TPD52: variants seen among roughly 807,000 people sequenced by gnomAD.
The protein encoded by TPD52 is tumor protein D52, also known as prostate and colon associated protein.
TPD52 carries 17 observed loss-of-function variants against 31.3 expected under a neutral mutation model. The ratio of observed to expected loss-of-function variants is 0.54; its 90% CI spans 0.37 to 0.82. TPD52 has a LOEUF of 0.82. Among genes scored for constraint, TPD52 ranks in the 40% least tolerant of loss-of-function variants. The pLI, the probability that TPD52 is intolerant of heterozygous loss-of-function variation, is 0.00. For synonymous variants in TPD52, 83 were observed against 89.6 expected, an observed-to-expected ratio of 0.93 and a Z score of 0.42; for missense variants, 212 against 240.1, an observed-to-expected ratio of 0.88 and a Z score of 0.77.
At chr8:80,071,550 T>C (rs1346991461) in intron 1 of TPD52, among the ~76,000 whole-genome samples, 1 of 152,086 alleles carries the variant, frequency 6.6e-6, no homozygotes, top group Non-Finnish European at 1.5e-5. Flanking sequence ...TACCCTCATC[T>C]AGCCACGCCA....
intron 1 of TPD52, among the ~76,000 whole-genome samples, chr8:80,118,957 A>C (rs1808057615): frequency 6.6e-6 from 1 of 152,216 alleles, no homozygotes; most frequent in Non-Finnish European, 1.5e-5. Flanking sequence ...TGTCTGTACA[A>C]AAAAACATGC....
At position 80,127,407 on chromosome 8, in the gene TPD52, G is replaced by C. The variant is rs376337003; in HGVS notation, c.19+44018C>G. ...TATAAATGCATGAATGTTAACTATA[G>C]AGTGAAACTGACAGAATGACAAAAA... On this transcript the variant is annotated intron_variant, in intron 1 of 7. Coordinates refer to ENST00000518937, the MANE Select transcript of TPD52 (RefSeq NM_001025253.3). 6.6e-5 allele frequency among the ~76,000 whole-genome samples: 10 copies of C among 152,260 alleles called. No homozygotes were observed. In the East Asian group the frequency reaches 1.9e-3, roughly 29 times the overall value.
intron 1 of TPD52, among the ~76,000 whole-genome samples, chr8:80,147,825 T>C (rs1215099981): frequency 3.3e-5 from 5 of 150,098 alleles, no homozygotes; most frequent in Admixed American, 2.7e-4. Context: ...CACACATACA[T>C]ACACACACAC....
At chr8:80,152,737 C>T (rs182336447) in intron 1 of TPD52, among the ~76,000 whole-genome samples, 3 of 148,122 alleles carry the variant, frequency 2.0e-5, no homozygotes, top group Non-Finnish European at 3.0e-5. Flanking sequence ...GCCGAGATTG[C>T]GCCACTTCAC....
intron 1 of TPD52, among the ~76,000 whole-genome samples, chr8:80,141,756 A>C (rs1809843210): frequency 6.6e-6 from 1 of 152,048 alleles, no homozygotes; most frequent in Non-Finnish European, 1.5e-5. Flanking sequence ...CTAAAAATAC[A>C]AAAATTAGCT....
At chr8:80,033,538 C>T (rs1809747404), downstream of TPD52, among the ~76,000 whole-genome samples, 1 of 152,272 alleles carries the variant, frequency 6.6e-6, no homozygotes. Context: ...CCAGAAGGGT[C>T]ACCACTCTTC....
At chr8:80,059,763 A>G (rs1812306405) in intron 2 of TPD52, among the ~76,000 whole-genome samples, 1 of 29,900 alleles carries the variant, frequency 3.3e-5, no homozygotes, top group Admixed American at 3.4e-4. Flanking sequence ...CTGAGGCAGG[A>G]GAATCGCTTG....
At chr8:80,064,292 A>G (rs1447673270) in intron 2 of TPD52, among the ~76,000 whole-genome samples, 186 bp downstream of exon 2, 3 of 152,084 alleles carry the variant, frequency 2.0e-5, no homozygotes, top group African/African-American at 7.2e-5. Flanking sequence ...TTTTTCTCAT[A>G]TAAAAACGAA....
chr8:80,111,326 G>A (rs1473354061), intron 1 of TPD52, among the ~76,000 whole-genome samples: 1 of 152,350 alleles, frequency 6.6e-6, no homozygotes, highest in Non-Finnish European at 1.5e-5. Context: ...ATTGGCATCT[G>A]AAGTGGGGGA....
At chr8:80,110,509 G>A (rs948797964) in intron 1 of TPD52, among the ~76,000 whole-genome samples, 2 of 150,682 alleles carry the variant, frequency 1.3e-5, no homozygotes, top group Admixed American at 6.6e-5. Context: ...CCAAAAGGAG[G>A]AAACTTATAT....
At chr8:80,101,228 G>A (rs977734430) in intron 1 of TPD52, among the ~76,000 whole-genome samples, 2 of 152,048 alleles carry the variant, frequency 1.3e-5, no homozygotes, top group African/African-American at 4.8e-5. Context: ...CGGGCAGATC[G>A]CCTGAGGTTA....
chr8:80,077,000 G>A (rs377513489), intron 1 of TPD52, among the ~76,000 whole-genome samples: 22 of 151,856 alleles, frequency 1.4e-4, no homozygotes, highest in Middle Eastern at 3.4e-3. Flanking sequence ...ATTCTGGCCC[G>A]GCCCAGTGGC....
At chr8:80,099,961 C>A (rs1459105261) in intron 1 of TPD52, among the ~76,000 whole-genome samples, 1 of 152,174 alleles carries the variant, frequency 6.6e-6, no homozygotes, top group Non-Finnish European at 1.5e-5. Context: ...CCTATTATGG[C>A]CCAATGATAC....
At chr8:80,077,817 C>G (rs1814766451) in intron 1 of TPD52, among the ~76,000 whole-genome samples, 1 of 152,136 alleles carries the variant, frequency 6.6e-6, no homozygotes, top group Non-Finnish European at 1.5e-5. Flanking sequence ...CTTGGGGAAA[C>G]AGAGGTGAAC....
chr8:80,051,903 C>A, intron 3 of TPD52: 1 of 330,242 alleles, frequency 3.0e-6, no homozygotes, highest in East Asian at 4.8e-5. Flanking sequence ...AAGGTAAGGG[C>A]TAAAAATAAT....
intron 1 of TPD52, among the ~76,000 whole-genome samples, chr8:80,118,943 A>G (rs1808055545): frequency 6.6e-6 from 1 of 152,234 alleles, no homozygotes; most frequent in Non-Finnish European, 1.5e-5. Context: ...AAATGAAAAC[A>G]ATATGTCTGT....
intron 2 of TPD52, among the ~76,000 whole-genome samples, chr8:80,056,241 T>C (rs1470557464): frequency 6.6e-6 from 1 of 152,082 alleles, no homozygotes; most frequent in Non-Finnish European, 1.5e-5. Flanking sequence ...TAGAGAACAA[T>C]ACGTTAAGCA....
chr8:80,102,653 G>C (rs918012000), intron 1 of TPD52, among the ~76,000 whole-genome samples: 2 of 152,152 alleles, frequency 1.3e-5, no homozygotes, highest in Admixed American at 1.3e-4. Context: ...CTGACATAGA[G>C]CTCCTAAAAT....
chr8:80,097,297 A>ATG (rs2130913047), intron 1 of TPD52, among the ~76,000 whole-genome samples: 1 of 152,342 alleles, frequency 6.6e-6, no homozygotes, highest in Non-Finnish European at 1.5e-5. Flanking sequence ...CATAACATAA[A>ATG]TGTATAAGGT....
Sources: allele counts gnomAD v4.1 joint callset (sites outside exome capture counted in the v4.1 genomes callset), GRCh38; gene constraint gnomAD v4.1.1; transcripts MANE v1.5; gene names NCBI Gene and HGNC (gene_info 2026-07-23, HGNC 2026-07-21).